ZIM2: variants seen among roughly 807,000 people sequenced by gnomAD.
ZIM2 encodes zinc finger imprinted 2, also known as zinc finger protein 656.
A neutral mutation model predicts 38.6 loss-of-function variants in ZIM2; 14 were observed. The ratio of observed to expected loss-of-function variants is 0.36; its 90% CI spans 0.24 to 0.57. The LOEUF is 0.57. Among genes scored for constraint, ZIM2 ranks in the 20% least tolerant of loss-of-function variants. ZIM2 has a pLI of 0.81. For missense variants in ZIM2, 680 were observed against 695.1 expected, an observed-to-expected ratio of 0.98 and a Z score of 0.24; for synonymous variants, 247 against 245.8, an observed-to-expected ratio of 1.00 and a Z score of -0.04.
chr19:56,825,336 A>G (rs2060916312), intron 3 of ZIM2, among the ~76,000 whole-genome samples: 2 of 152,232 alleles, frequency 1.3e-5, no homozygotes, highest in Non-Finnish European at 2.9e-5. Flanking sequence ...ATTCCCTCAC[A>G]CAGTGAGAAG....
chr19:56,824,610 AGGAC>A lies in ZIM2; in HGVS notation c.-150-187_-150-184del, dbSNP rs775025513. ...TCTAGCTCATACAGATTTGGGGCCC[AGGAC>A]TTCTTAGGTTTGGTGGCAGACAAGT... On this transcript the variant is annotated intron_variant, in intron 3 of 12. Transcript: ENST00000629319. 649 of 1,608,784 alleles carry A rather than the reference AGGAC, an allele frequency of 4.0e-4. 5 individuals carry two copies. The African/African-American group carries it at 7.0e-3, about 17-fold the overall frequency.
intron 3 of ZIM2, 118 bp downstream of exon 3, chr19:56,826,270 C>G (rs891310208): frequency 2.0e-5 from 3 of 152,194 alleles, no homozygotes; most frequent in Admixed American, 1.3e-4. Flanking sequence ...GGGAGACAGG[C>G]AAGGGCAGAC....
In ZIM2 at chr19:56,775,268, C is replaced by T. The variant is rs141305291; in HGVS notation, c.1097G>A (p.Arg366Gln). Residue 366 changes from arginine (R) to glutamine (Q), a missense_variant, in exon 13 of 13, where the codon CGA becomes CAA. Arg to Gln is a conservative substitution (Grantham distance 43). Coordinates refer to ENST00000629319, the MANE Select transcript of ZIM2 (RefSeq NM_001387356.1). ...AAGGGCTACTTGCGTACTAAAGGTT[C>T]GTTTGCAAAATTCACATCTGTTGTG... is the stretch of plus-strand genomic sequence containing the variant. Reference protein sequence around the residue: ...NKHNRCEFCKRTFSTQVALRR... With the variant: ...NKHNRCEFCKQTFSTQVALRR... 7.3e-4 allele frequency: 1,173 copies of T among 1,613,988 alleles called. 2 individuals are homozygous for T. The highest frequency in any genetic ancestry group is 9.0e-4 in the Non-Finnish European group (1,066 of 1,180,030).
intron 2 of ZIM2, among the ~76,000 whole-genome samples, chr19:56,835,672 C>T (rs2062021709): frequency 6.6e-6 from 1 of 152,256 alleles, no homozygotes; most frequent in African/African-American, 2.4e-5. Context: ...CCCATTGGGG[C>T]TATGTCCCAG....
intron 9 of ZIM2, among the ~76,000 whole-genome samples, chr19:56,803,581 G>C (rs570246226): frequency 6.6e-6 from 1 of 152,254 alleles, no homozygotes; most frequent in East Asian, 1.9e-4. Context: ...CACCCACATG[G>C]GGCTATTTGG....
At chr19:56,816,760 T>C in intron 9 of ZIM2, 1 of 1,614,140 alleles carries the variant, frequency 6.2e-7, no homozygotes, top group Non-Finnish European at 8.5e-7. Flanking sequence ...CTCGTAGAAT[T>C]TGTCTTTGCC....
intron 9 of ZIM2, among the ~76,000 whole-genome samples, chr19:56,800,998 C>T (rs998769682): frequency 1.1e-4 from 17 of 149,380 alleles, no homozygotes; most frequent in Middle Eastern, 3.4e-3. Context: ...TGCAGTGGCA[C>T]GATCTCGGCT....
chr19:56,824,455 G>A, intron 3 of ZIM2, 28 bp from the exon 4 acceptor site: 2 of 1,614,126 alleles, frequency 1.2e-6, no homozygotes, highest in Non-Finnish European at 1.7e-6. Context: ...AGAGGTTTCG[G>A]AGTTTGATCA....
At position 56,814,031 on chromosome 19, in the gene ZIM2, T is replaced by C. The variant is rs1430092650; in HGVS notation, c.490+3715A>G. 6.2e-7 allele frequency: 1 copy of C among 1,613,280 alleles called. No homozygotes were observed. The highest frequency in any genetic ancestry group is 8.5e-7 in the Non-Finnish European group (1 of 1,179,324). On this transcript the variant is annotated intron_variant, in intron 9 of 12. Transcript: ENST00000629319. The surrounding 1 kb of genome is among the most constrained non-coding windows in gnomAD (Gnocchi z 5.8). ...GCATCTCCCTCTGGCTCTTCAGCTTTTCCCTCTGGCTCTTCAGCTCTTTCT... is the reference window on the plus strand; with the variant it reads ...GCATCTCCCTCTGGCTCTTCAGCTTCTCCCTCTGGCTCTTCAGCTCTTTCT...
chr19:56,780,571 A>G (rs1178441290), intron 11 of ZIM2, among the ~76,000 whole-genome samples: 1 of 152,102 alleles, frequency 6.6e-6, no homozygotes, highest in African/African-American at 2.4e-5. Context: ...TGGAAGCTTT[A>G]TATCAACCCT....
intron 1 of ZIM2, among the ~76,000 whole-genome samples, chr19:56,837,338 C>T (rs2062264225): frequency 6.6e-6 from 1 of 152,192 alleles, no homozygotes; most frequent in Non-Finnish European, 1.5e-5. Flanking sequence ...TGAATTTTTC[C>T]ACCTCCAGCT....
chr19:56,776,420 C>T (rs971927985), intron 12 of ZIM2, among the ~76,000 whole-genome samples: 1 of 152,164 alleles, frequency 6.6e-6, no homozygotes, highest in Non-Finnish European at 1.5e-5. Flanking sequence ...TTAATATGCA[C>T]CTTGAACCCT....
At chr19:56,788,209 T>C (rs1203896774) in intron 10 of ZIM2, among the ~76,000 whole-genome samples, 1 of 152,182 alleles carries the variant, frequency 6.6e-6, no homozygotes, top group Non-Finnish European at 1.5e-5. Flanking sequence ...GGGTGTCAAT[T>C]TTAGATCTTT....
At chr19:56,823,788 G>T in intron 4 of ZIM2, 109 bp from the exon 5 acceptor site, 2 of 1,285,032 alleles carry the variant, frequency 1.6e-6, no homozygotes, top group South Asian at 1.2e-5. Context: ...TGGTTGGAAT[G>T]ACCTGATCCT....
intron 6 of ZIM2, 56 bp downstream of exon 6, chr19:56,822,697 T>C: frequency 3.1e-6 from 5 of 1,600,166 alleles, no homozygotes. Context: ...CCCTTGAACC[T>C]GTGCACAGCA....
intron 2 of ZIM2, among the ~76,000 whole-genome samples, chr19:56,828,040 A>G (rs1316007231): frequency 2.0e-5 from 3 of 152,104 alleles, no homozygotes; most frequent in East Asian, 3.9e-4. Flanking sequence ...TTACCTAGTC[A>G]AAAAAATAAA....
intron 10 of ZIM2, among the ~76,000 whole-genome samples, chr19:56,786,080 A>G (rs2046585001): frequency 6.6e-6 from 1 of 152,092 alleles, no homozygotes; most frequent in South Asian, 2.1e-4. Context: ...GGCAACCACT[A>G]ACATACTTTA....
chr19:56,811,308 A>T, intron 9 of ZIM2: 1 of 905,074 alleles, frequency 1.1e-6, no homozygotes, highest in Non-Finnish European at 1.3e-6. Flanking sequence ...AAACAGTTAT[A>T]ATGAACTGTT....
chr19:56,812,582 C>G, intron 9 of ZIM2: 1 of 985,696 alleles, frequency 1.0e-6, no homozygotes, highest in Non-Finnish European at 1.2e-6. Flanking sequence ...GGGACCCAAG[C>G]CATGTTGCTA....
Sources: gnomAD v4.1 joint callset for allele counts (sites outside exome capture counted in the v4.1 genomes callset) on GRCh38, gnomAD v4.1.1 for gene constraint, Gnocchi (gnomAD v3.1) non-coding constraint, MANE v1.5 for transcripts, NCBI Gene and HGNC (gene_info 2026-07-23, HGNC 2026-07-21) for gene names.